The following HRH1 variants were observed in gnomAD, a reference collection of about 807,000 sequenced individuals.
HRH1 encodes histamine receptor H1, also known as histamine H1 receptor.
A neutral mutation model predicts 10.3 loss-of-function variants in HRH1; 6 were observed. The observed-to-expected ratio is 0.58, with a 90% CI of 0.32 to 1.15. HRH1 has a LOEUF of 1.15. Ranked by LOEUF, HRH1 falls within the 50% of genes most tolerant of loss-of-function variation. The pLI is 0.05. For missense variants in HRH1, 514 were observed against 615.3 expected (o/e 0.84, Z 1.74); for synonymous variants, 242 against 236.7 (o/e 1.02, Z -0.21).
At chr3:11,137,629 A>G (rs1936208005) in intron 1 of HRH1, among the ~76,000 whole-genome samples, 1 of 152,006 alleles carries the variant, frequency 6.6e-6, no homozygotes, top group African/African-American at 2.4e-5. Context: ...GGCTGATTGG[A>G]TGGTGGAGTG....
chr3:11,257,861 G>A (rs1266008186), intron 1 of HRH1, among the ~76,000 whole-genome samples: 1 of 152,040 alleles, frequency 6.6e-6, no homozygotes, highest in African/African-American at 2.4e-5. Flanking sequence ...TGTTGCCCAG[G>A]CTGCAAGTCT....
chr3:11,204,233 A>C (rs1212615294), intron 1 of HRH1, among the ~76,000 whole-genome samples: 1 of 152,162 alleles, frequency 6.6e-6, no homozygotes. Flanking sequence ...CTGGAGATGC[A>C]ACAGAGAACA....
At chr3:11,221,618 C>T (rs995261685) in intron 1 of HRH1, among the ~76,000 whole-genome samples, 6 of 152,012 alleles carry the variant, frequency 3.9e-5, no homozygotes, top group African/African-American at 7.3e-5. Flanking sequence ...TTTATATGCA[C>T]GGTTCAGTGA....
intron 1 of HRH1, among the ~76,000 whole-genome samples, chr3:11,195,131 G>A: frequency 6.6e-6 from 1 of 152,254 alleles, no homozygotes; most frequent in South Asian, 2.1e-4. Context: ...AAACCTTTGA[G>A]AGTGCAGTTT....
At chr3:11,159,283 C>A (rs1936880190) in intron 1 of HRH1, among the ~76,000 whole-genome samples, 1 of 152,110 alleles carries the variant, frequency 6.6e-6, no homozygotes, top group Non-Finnish European at 1.5e-5. Context: ...GACATCTTGC[C>A]TTTTACAGCT....
At position 11,154,565 on chromosome 3, in the gene HRH1, G is replaced by A. The variant is rs1309294326; in HGVS notation, c.-36+11G>A. The A allele has an allele frequency of 1.3e-5, 2 of 151,132 alleles. No homozygotes were observed. Among genetic ancestry groups the A allele is most frequent in the Admixed American group, 6.6e-5 (1 of 15,164 alleles). 9.4% of individuals were successfully genotyped at this position (151,132 alleles called of 1,614,324 possible). The stretch of plus-strand genomic sequence containing the variant: ...CCGGAGCCGGCGCCGGTGAGTCGCA[G>A]CGGGGCGCGGGCTTGGGCGGGAGCG... On this transcript the variant is annotated intron_variant, in intron 1 of 1. Coordinates refer to ENST00000431010, the MANE Select transcript of HRH1 (RefSeq NM_001098212.2). This position sits in a 1 kb window ranked among gnomAD's most constrained non-coding sequence, Gnocchi z 4.4.
chr3:11,253,260 G>C (rs1427907300), intron 1 of HRH1: 1 of 152,156 alleles, frequency 6.6e-6, no homozygotes, highest in Non-Finnish European at 1.5e-5. Flanking sequence ...AATTTACCAA[G>C]GGCTGTTGGT....
intron 1 of HRH1, among the ~76,000 whole-genome samples, chr3:11,218,720 G>A (rs1285372582): frequency 2.0e-5 from 3 of 149,384 alleles, no homozygotes; most frequent in African/African-American, 7.4e-5. Flanking sequence ...GGATTATAGC[G>A]TGGGCCACCA....
chr3:11,149,708 A>G (rs1476127291), upstream of HRH1, among the ~76,000 whole-genome samples: 1 of 152,262 alleles, frequency 6.6e-6, no homozygotes, highest in Non-Finnish European at 1.5e-5. Flanking sequence ...GCAGTCTCAC[A>G]GGACCGCAAA....
chr3:11,239,440 C>A (rs973458483), intron 1 of HRH1, among the ~76,000 whole-genome samples: 9 of 152,056 alleles, frequency 5.9e-5, no homozygotes, highest in Non-Finnish European at 7.4e-5. Flanking sequence ...AGATATATGA[C>A]CTATAAATAT....
intron 1 of HRH1, among the ~76,000 whole-genome samples, chr3:11,246,623 G>C (rs948703562): frequency 5.3e-5 from 8 of 152,192 alleles, no homozygotes; most frequent in African/African-American, 1.9e-4. Context: ...ACAGTACATT[G>C]CAGACATTGT....
At chr3:11,184,095 G>T (rs1937408795) in intron 1 of HRH1, among the ~76,000 whole-genome samples, 1 of 151,984 alleles carries the variant, frequency 6.6e-6, no homozygotes, top group Admixed American at 6.6e-5. Context: ...CAGGCAGAGG[G>T]TGCCAAGTGA....
chr3:11,164,515 G>A (rs993953744), intron 1 of HRH1, among the ~76,000 whole-genome samples: 2 of 151,904 alleles, frequency 1.3e-5, no homozygotes, highest in Non-Finnish European at 2.9e-5. Context: ...AATTGATGGT[G>A]TTTTGTTTTG....
At chr3:11,191,823 T>C (rs1007759556) in intron 1 of HRH1, among the ~76,000 whole-genome samples, 16 of 152,240 alleles carry the variant, frequency 1.1e-4, no homozygotes, top group African/African-American at 3.6e-4. Context: ...TGCACATTCC[T>C]GGCCCAGCCC....
intron 1 of HRH1, among the ~76,000 whole-genome samples, chr3:11,224,787 C>G (rs1284860849): frequency 6.6e-6 from 1 of 152,064 alleles, no homozygotes; most frequent in Non-Finnish European, 1.5e-5. Flanking sequence ...GAGGTTGGAC[C>G]AGGGGCATAG....
chr3:11,243,482 G>C (rs1939402391), intron 1 of HRH1, among the ~76,000 whole-genome samples: 1 of 152,244 alleles, frequency 6.6e-6, no homozygotes. Flanking sequence ...GAGCATGTTA[G>C]AAGTTGAGGA....
At chr3:11,179,008 G>A (rs879462413) in intron 1 of HRH1, among the ~76,000 whole-genome samples, 11 of 152,134 alleles carry the variant, frequency 7.2e-5, no homozygotes, top group Admixed American at 3.9e-4. Context: ...AGTCAGCCGG[G>A]GGGACACAGT....
At chr3:11,200,934 T>C (rs1400501975) in intron 1 of HRH1, among the ~76,000 whole-genome samples, 3 of 152,194 alleles carry the variant, frequency 2.0e-5, no homozygotes, top group Non-Finnish European at 1.5e-5. Flanking sequence ...AGGAAAAGAT[T>C]AGACATATCC....
chr3:11,150,989 C>T (rs1254374017), upstream of HRH1, among the ~76,000 whole-genome samples: 1 of 152,228 alleles, frequency 6.6e-6, no homozygotes, highest in Non-Finnish European at 1.5e-5. Context: ...CCCTGTTATC[C>T]TGCTAATAGC....
Sources: allele counts gnomAD v4.1 joint callset (sites outside exome capture counted in the v4.1 genomes callset), GRCh38; gene constraint gnomAD v4.1.1; non-coding constraint Gnocchi (gnomAD v3.1); transcripts MANE v1.5; gene names NCBI Gene and HGNC (gene_info 2026-07-23, HGNC 2026-07-21).